Variants in NAV3 observed in about 807,000 individuals in gnomAD.
The protein encoded by NAV3 is neuron navigator 3.
NAV3 carries 87 observed loss-of-function variants against 244.7 expected under a neutral mutation model. The observed-to-expected ratio is 0.36, with a 90% confidence interval of 0.30 to 0.42. The LOEUF (loss-of-function observed/expected upper bound fraction) is 0.42. Ranked by LOEUF, NAV3 falls within the 20% of genes least tolerant of loss-of-function variation. The pLI, the probability that NAV3 is intolerant of heterozygous loss-of-function variation, is 1.00. For missense variants in NAV3, 2,663 were observed against 2,893.3 expected (o/e 0.92, Z 1.83); for synonymous variants, 1,126 against 1,042.2 (o/e 1.08, Z -1.55).
intron 2 of NAV3, among the ~76,000 whole-genome samples, chr12:77,726,332 C>A (rs2137319726): frequency 6.6e-6 from 1 of 152,022 alleles, no homozygotes; most frequent in Non-Finnish European, 1.5e-5. Flanking sequence ...ATTTTCCTAC[C>A]CATTCACCTA....
At chr12:77,918,837 A>T (rs1887424486) in intron 1 of NAV3, among the ~76,000 whole-genome samples, 1 of 152,048 alleles carries the variant, frequency 6.6e-6, no homozygotes, top group Non-Finnish European at 1.5e-5. Context: ...TGCTTGTATC[A>T]TGTTTGCTAA....
At position 78,119,963 on chromosome 12, in the gene NAV3, G is replaced by T. The variant is rs748667273; in HGVS notation, c.3749+18G>T. 1.3e-6 allele frequency: 2 copies of T among 1,586,412 alleles called. No individual in the cohort carries two copies. Among genetic ancestry groups the T allele is most frequent in the Non-Finnish European group, 1.7e-6 (2 of 1,164,660 alleles). On this transcript the variant is annotated intron_variant, in intron 15 of 39. Coordinates refer to ENST00000397909, the MANE Select transcript of NAV3 (RefSeq NM_001024383.2). Reference sequence around the variant, plus strand: ...TTTCGAAGGTAAGGATGTATAAAATGATGCTGGAAAAATATAAAGGATAAA... The same window carrying T: ...TTTCGAAGGTAAGGATGTATAAAATTATGCTGGAAAAATATAAAGGATAAA...
At chr12:77,742,750 G>A (rs1253783571) in intron 2 of NAV3, among the ~76,000 whole-genome samples, 1 of 152,008 alleles carries the variant, frequency 6.6e-6, no homozygotes, top group Admixed American at 6.6e-5. Flanking sequence ...AGTACATACT[G>A]TACTTGTATA....
intron 1 of NAV3, among the ~76,000 whole-genome samples, chr12:77,894,823 C>G (rs868072658): frequency 5.3e-5 from 8 of 152,004 alleles, no homozygotes; most frequent in Non-Finnish European, 1.0e-4. Context: ...GTAGACAGAT[C>G]TCATTTCTCA....
chr12:77,856,557 A>G (rs957066144), intron 1 of NAV3, among the ~76,000 whole-genome samples: 1 of 152,134 alleles, frequency 6.6e-6, no homozygotes, highest in Non-Finnish European at 1.5e-5. Flanking sequence ...AAATAATTTT[A>G]AAATATTATA....
At chr12:77,823,498 C>T (rs1872831744) in intron 2 of NAV3, among the ~76,000 whole-genome samples, 1 of 152,138 alleles carries the variant, frequency 6.6e-6, no homozygotes, top group African/African-American at 2.4e-5. Context: ...GACGTTTTCC[C>T]CAGCCAGAGT....
chr12:78,066,950 T>C (rs1352743053), intron 12 of NAV3, among the ~76,000 whole-genome samples: 4 of 152,134 alleles, frequency 2.6e-5, no homozygotes, highest in African/African-American at 9.7e-5. Context: ...GTTAGCAATG[T>C]GCAGAAAATT....
chr12:77,927,261 C>G (rs1186937825), intron 1 of NAV3, among the ~76,000 whole-genome samples: 1 of 152,192 alleles, frequency 6.6e-6, no homozygotes, highest in East Asian at 1.9e-4. Flanking sequence ...ATGGAGCTCT[C>G]TGTTAGTACT....
chr12:77,636,665 T>G (rs888516734), intron 2 of NAV3, among the ~76,000 whole-genome samples: 10 of 152,114 alleles, frequency 6.6e-5, no homozygotes, highest in African/African-American at 2.2e-4. Context: ...CAAAGGATTA[T>G]AAATCATTCT....
At chr12:78,175,470 A>G (rs1203881071) in intron 25 of NAV3, 43 bp downstream of exon 25, 6 of 1,594,490 alleles carry the variant, frequency 3.8e-6, no homozygotes, top group Non-Finnish European at 4.3e-6. Flanking sequence ...TTATTAATGC[A>G]TAATGTGTTA....
At chr12:77,754,601 A>T (rs560417494) in intron 2 of NAV3, among the ~76,000 whole-genome samples, 1 of 152,356 alleles carries the variant, frequency 6.6e-6, no homozygotes, top group Admixed American at 6.5e-5. Context: ...CAGCTGCAGA[A>T]AACATGTTTC....
At chr12:77,758,322 G>GA (rs200148162) in intron 2 of NAV3, among the ~76,000 whole-genome samples, 49 of 149,942 alleles carry the variant, frequency 3.3e-4, no homozygotes, top group Middle Eastern at 3.4e-3. Context: ...CTCCAAAAAA[G>GA]AAAAAAAAAC....
chr12:77,670,815 A>C (rs1299520255), intron 2 of NAV3, among the ~76,000 whole-genome samples: 1 of 152,134 alleles, frequency 6.6e-6, no homozygotes, highest in Non-Finnish European at 1.5e-5. Flanking sequence ...TCCGTGACAA[A>C]CCCACAGACA....
At chr12:77,872,299 T>C (rs912274591) in intron 1 of NAV3, among the ~76,000 whole-genome samples, 41 of 152,124 alleles carry the variant, frequency 2.7e-4, no homozygotes, top group African/African-American at 9.7e-4. Context: ...TTTCTTTAAC[T>C]GAACATTGAA....
intron 2 of NAV3, among the ~76,000 whole-genome samples, chr12:77,746,461 A>G (rs146013196): frequency 1.3e-5 from 2 of 152,280 alleles, no homozygotes; most frequent in East Asian, 1.9e-4. Flanking sequence ...GCTGTTTTCA[A>G]TCTACCTACA....
chr12:77,730,029 T>G (rs886900182), intron 2 of NAV3, among the ~76,000 whole-genome samples: 4 of 151,954 alleles, frequency 2.6e-5, no homozygotes, highest in African/African-American at 7.2e-5. Context: ...TTGAAGCTTG[T>G]TGAAAACATT....
rs770229610 is a variant in NAV3, at chr12:77,630,132, G to GT, written c.72+57868dup. Among the ~76,000 whole-genome samples, 40 of 152,114 alleles carry GT rather than the reference G, an allele frequency of 2.6e-4. 1 individual carries two copies. The highest frequency in any genetic ancestry group is 7.4e-5 in the Non-Finnish European group (5 of 68,016). ...GGACTCCAGGAGTCAACTGACTAGG[G>GT]TTAAAGTAAGATAGGGAAGCTACAG... On this transcript the variant is annotated intron_variant, in intron 2 of 8. Transcript: ENST00000550042.
intron 1 of NAV3, among the ~76,000 whole-genome samples, chr12:77,904,822 C>T (rs1464975686): frequency 6.6e-6 from 1 of 152,050 alleles, no homozygotes; most frequent in Non-Finnish European, 1.5e-5. Context: ...AAGTTGTTTT[C>T]ATGACTTTTT....
At chr12:78,126,748 T>C (rs1839186) in intron 16 of NAV3, among the ~76,000 whole-genome samples, 93,713 of 151,986 alleles carry the variant, frequency 0.62, 29,171 homozygotes, top group Admixed American at 0.65. Context: ...TATTAAACAA[T>C]GTTTTATACC....
Sources: gnomAD v4.1 joint callset for allele counts (sites outside exome capture counted in the v4.1 genomes callset) on GRCh38, gnomAD v4.1.1 for gene constraint, MANE v1.5 for transcripts, NCBI Gene and HGNC (gene_info 2026-07-23, HGNC 2026-07-21) for gene names.